Variants in NPAS2 observed in about 807,000 individuals in gnomAD.
NPAS2 encodes neuronal PAS domain protein 2, also known as neuronal PAS domain-containing protein 2.
NPAS2 carries 23 observed loss-of-function variants against 107.5 expected under a neutral mutation model. The observed-to-expected ratio is 0.21, with a 90% CI of 0.15 to 0.30. NPAS2 has a LOEUF of 0.30. NPAS2 is among the 10% of genes least tolerant of loss of function. NPAS2 has a pLI of 1.00. For missense variants in NPAS2, 756 were observed against 1,043.3 expected, an observed-to-expected ratio of 0.72 and a Z score of 3.79; for synonymous variants, 403 against 417.5, an observed-to-expected ratio of 0.97 and a Z score of 0.42.
At chr2:100,980,346 G>A (rs955148181) in intron 15 of NPAS2, among the ~76,000 whole-genome samples, 14 of 152,188 alleles carry the variant, frequency 9.2e-5, no homozygotes, top group Admixed American at 1.3e-4. Flanking sequence ...GGAATAGCTC[G>A]TTTGCTTTCT....
intron 1 of NPAS2, among the ~76,000 whole-genome samples, chr2:100,880,874 T>C (rs1680288632): frequency 6.6e-6 from 1 of 152,158 alleles, no homozygotes; most frequent in Non-Finnish European, 1.5e-5. Context: ...GGGAGAGCAG[T>C]ATTTTTGCTC....
chr2:100,968,156 C>A lies in NPAS2; in HGVS notation c.908-125C>A. On this transcript the variant is annotated intron_variant, in intron 10 of 20. Transcript: ENST00000335681. The surrounding 1 kb of genome is among the most constrained non-coding windows in gnomAD (Gnocchi z 5.3). The stretch of plus-strand genomic sequence containing the variant: ...ACAGTCACTTAAAATACAGGGCAAC[C>A]GGGGAAACAAGCCATGTTTGGTATT... 1.0e-6 allele frequency: 1 copy of A among 991,124 alleles called. No homozygotes were observed. Among genetic ancestry groups the A allele is most frequent in the Non-Finnish European group, 1.5e-6 (1 of 661,008 alleles). The allele number at this position is 991,124 out of a possible 1,614,324, so 61.4% of individuals were successfully genotyped here.
upstream of NPAS2, chr2:100,820,037 A>AGGAGGAGGGTGGGG (rs1203362911): frequency 2.5e-5 from 3 of 120,952 alleles, 1 homozygote; most frequent in African/African-American, 9.3e-5. This position sits in a 1 kb window ranked among gnomAD's most constrained non-coding sequence, Gnocchi z 5.6. Context: ...CGAGGGGAGG[A>AGGAGGAGGGTGGGG]GGAGGAGGGT....
At chr2:100,899,181 A>G (rs1681616371) in intron 1 of NPAS2, among the ~76,000 whole-genome samples, 1 of 151,530 alleles carries the variant, frequency 6.6e-6, no homozygotes, top group Non-Finnish European at 1.5e-5. Flanking sequence ...TTACGTAAAA[A>G]CTGAGGAAGT....
chr2:100,877,637 CTG>C (rs1408031656), intron 1 of NPAS2, among the ~76,000 whole-genome samples: 1 of 152,108 alleles, frequency 6.6e-6, no homozygotes, highest in Non-Finnish European at 1.5e-5. Context: ...TGAGAGTATC[CTG>C]TGAGTGTCAT....
At chr2:100,988,860 C>T in intron 17 of NPAS2, 1 of 253,580 alleles carries the variant, frequency 3.9e-6, no homozygotes, top group Non-Finnish European at 7.4e-6. Context: ...ACTGCTCCTC[C>T]AGGCCTCTCT....
At chr2:100,933,660 A>T (rs1487484397) in intron 4 of NPAS2, among the ~76,000 whole-genome samples, 1 of 152,216 alleles carries the variant, frequency 6.6e-6, no homozygotes, top group African/African-American at 2.4e-5. Flanking sequence ...ATGTATTTGT[A>T]TATGGGTGAA....
chr2:100,852,135 G>A (rs1190911936), intron 1 of NPAS2, among the ~76,000 whole-genome samples: 5 of 152,292 alleles, frequency 3.3e-5, no homozygotes, highest in African/African-American at 9.6e-5. Context: ...GGTGGCTCCT[G>A]CCTGTAATCC....
intron 11 of NPAS2, among the ~76,000 whole-genome samples, chr2:100,970,406 C>A (rs933193689): frequency 6.6e-6 from 1 of 152,192 alleles, no homozygotes; most frequent in African/African-American, 2.4e-5. Context: ...GGCCTCTTGC[C>A]CCAGGGTCTC....
intron 1 of NPAS2, among the ~76,000 whole-genome samples, chr2:100,825,819 G>A (rs895983611): frequency 1.2e-4 from 19 of 152,182 alleles, no homozygotes; most frequent in African/African-American, 4.1e-4. Flanking sequence ...TGGCCATAAT[G>A]CCTGCAAACT....
chr2:100,827,830 A>G (rs922484568), intron 1 of NPAS2, among the ~76,000 whole-genome samples: 8 of 152,170 alleles, frequency 5.3e-5, no homozygotes, highest in Admixed American at 3.3e-4. Flanking sequence ...AGACATGGAC[A>G]TGGAATCACG....
chr2:100,903,563 A>C (rs1250164545), intron 1 of NPAS2, among the ~76,000 whole-genome samples: 2 of 152,192 alleles, frequency 1.3e-5, no homozygotes, highest in Admixed American at 1.3e-4. Flanking sequence ...TTTTATCTGA[A>C]ACTTTATATT....
intron 1 of NPAS2, among the ~76,000 whole-genome samples, chr2:100,870,006 G>A (rs965870272): frequency 6.1e-5 from 9 of 147,142 alleles, no homozygotes; most frequent in Non-Finnish European, 1.2e-4. Flanking sequence ...CCGGGTTCAC[G>A]CCATTCTCCT....
intron 2 of NPAS2, 143 bp downstream of exon 2, chr2:100,904,929 G>A (rs1682044974): frequency 1.1e-5 from 7 of 662,128 alleles, no homozygotes; most frequent in African/African-American, 1.8e-5. Context: ...GTGACATATT[G>A]CAGTGCTCCA....
At position 100,982,337 on chromosome 2, in the gene NPAS2, T is replaced by C. The variant is rs1677496682; in HGVS notation, c.1589T>C (p.Ile530Thr). 6.2e-7 allele frequency: 1 copy of C among 1,613,988 alleles called. No individual in the cohort carries two copies. Among genetic ancestry groups the C allele is most frequent in the Non-Finnish European group, 8.5e-7 (1 of 1,180,016 alleles). The change falls in exon 16 of 21, where the codon ATC becomes ACC. Residue 530 changes from isoleucine to threonine, a missense_variant. Around this residue, in one of 4 missense-constraint regions of NPAS2, gnomAD observed 496 missense variants for 594.4 expected, o/e 0.83. Coordinates refer to ENST00000335681, the MANE Select transcript of NPAS2 (RefSeq NM_002518.4). ...TGGCAACAGGAAGAGCTCCACAAGA[T>C]CCAGGAGCAGCTCTGCCTGGTCCAG... ...IRWQQEELHK[I>T]QEQLCLVQDS... is the part of the protein sequence containing the mutation.
chr2:100,948,252 G>A lies in NPAS2; in HGVS notation c.381G>A (p.Gln127=), dbSNP rs1174248438. The A allele has an allele frequency of 1.2e-6, 2 of 1,613,118 alleles. No individual in the cohort carries two copies. Among genetic ancestry groups the A allele is most frequent in the East Asian group, 2.2e-5 (1 of 44,806 alleles). Residue 127 remains glutamine (Q), a synonymous_variant, in exon 6 of 21, where the codon CAG becomes CAA. Transcript: ENST00000335681. The part of the protein sequence containing the change: ...LGHLPSDVMD[Q]NLLNFLPEQE... ...TTTTTCAGTCGGATGTCATGGATCA[G>A]AATTTGTTAAATTTCCTCCCAGAAC...
At chr2:100,829,798 G>T (rs1676616333) in intron 1 of NPAS2, among the ~76,000 whole-genome samples, 1 of 152,168 alleles carries the variant, frequency 6.6e-6, no homozygotes, top group African/African-American at 2.4e-5. Context: ...GAAGGCAAAT[G>T]AAATGGATAA....
intron 1 of NPAS2, among the ~76,000 whole-genome samples, chr2:100,839,407 G>C (rs955767845): frequency 6.6e-6 from 1 of 152,142 alleles, no homozygotes; most frequent in Non-Finnish European, 1.5e-5. Context: ...GGGATTACAG[G>C]TGTGAGCCAC....
At chr2:100,952,235 G>GAGGGCAA (rs1675270902) in intron 7 of NPAS2, among the ~76,000 whole-genome samples, 1 of 151,522 alleles carries the variant, frequency 6.6e-6, no homozygotes, top group African/African-American at 2.4e-5. Context: ...CTCGTGCACA[G>GAGGGCAA]AGGGCAAAGG....
Sources: gnomAD v4.1 joint callset for allele counts (sites outside exome capture counted in the v4.1 genomes callset) on GRCh38, gnomAD v4.1.1 for gene constraint, gnomAD v4.1.1 regional missense constraint, Gnocchi (gnomAD v3.1) non-coding constraint, MANE v1.5 for transcripts, NCBI Gene and HGNC (gene_info 2026-07-23, HGNC 2026-07-21) for gene names.